GK5: variants seen among roughly 807,000 people sequenced by gnomAD.
GK5 encodes glycerol kinase 5.
A neutral mutation model predicts 77.3 loss-of-function variants in GK5; 39 were observed. The ratio of observed to expected loss-of-function variants is 0.50; its 90% CI spans 0.39 to 0.66. The LOEUF is 0.66. Ranked by LOEUF, GK5 falls within the 30% of genes least tolerant of loss-of-function variation. GK5 has a pLI of 0.00. For synonymous variants in GK5, 211 were observed against 208.0 expected (o/e 1.01, Z -0.13); for missense variants, 487 against 633.8 (o/e 0.77, Z 2.49).
rs1204422168 is a variant in GK5 at position 142,186,453 on chromosome 3, T to A, written c.680A>T (p.Lys227Met). 1.9e-6 allele frequency: 3 copies of A among 1,539,158 alleles called. No individual in the cohort carries two copies. Among genetic ancestry groups the A allele is most frequent in the Non-Finnish European group, 2.6e-6 (3 of 1,136,376 alleles). Residue 227 changes from lysine to methionine, a missense_variant and splice_region_variant, in exon 7 of 16, where the codon AAG (lysine) becomes ATG (methionine). By Grantham distance (95) the Lys-to-Met change is moderately conservative. Transcript: ENST00000392993. ...ASTTGLFDPY[K>M]MCWSGMITSL... ...AAAAGAAGAAAAAAAAATTTTTACC[T>A]TATATGGGTCAAAAAGTCCAGTTGT...
intron 3 of GK5, among the ~76,000 whole-genome samples, chr3:142,210,872 C>T (rs1346854757): frequency 6.6e-6 from 1 of 152,236 alleles, no homozygotes; most frequent in Non-Finnish European, 1.5e-5. Context: ...ATCACTGGGG[C>T]CAATGGCCAA....
intron 11 of GK5, among the ~76,000 whole-genome samples, chr3:142,178,203 A>G (rs557724436): frequency 6.6e-6 from 1 of 152,248 alleles, no homozygotes; most frequent in African/African-American, 2.4e-5. Context: ...AATCAATTCT[A>G]TGTAGGATTT....
At chr3:142,189,421 C>A (rs752227131) in intron 5 of GK5, among the ~76,000 whole-genome samples, 2 of 152,062 alleles carry the variant, frequency 1.3e-5, no homozygotes, top group Non-Finnish European at 2.9e-5. Context: ...AAATATGGAG[C>A]GCCTTCAAGT....
chr3:142,216,119 CTTAA>C (rs1381637750), intron 1 of GK5, among the ~76,000 whole-genome samples: 2 of 152,164 alleles, frequency 1.3e-5, no homozygotes, highest in Non-Finnish European at 2.9e-5. Context: ...ATTGTGGACT[CTTAA>C]AAAGTATATG....
At chr3:142,187,828 A>T (rs1297779596) in intron 5 of GK5, 49 bp from the exon 6 acceptor site, 1 of 1,353,732 alleles carries the variant, frequency 7.4e-7, no homozygotes, top group South Asian at 1.2e-5. Flanking sequence ...TAAATTACTA[A>T]GTGCATGATT....
chr3:142,208,734 G>A (rs2064146878), intron 3 of GK5, among the ~76,000 whole-genome samples: 2 of 152,158 alleles, frequency 1.3e-5, no homozygotes, highest in Admixed American at 1.3e-4. Flanking sequence ...CAGGAGTTGG[G>A]TACACAGCTA....
In GK5 at chr3:142,164,600, T is replaced by C. The variant is rs944022131; in HGVS notation, c.*1022A>G. On this transcript the variant is annotated 3_prime_UTR_variant, in exon 16 of 16. Coordinates refer to ENST00000392993, the MANE Select transcript of GK5 (RefSeq NM_001039547.3). ...ACACTCTCCTCCCTTCTATCAGCTGTCCCCCACACATACTCACAGGGATGA... is the reference window on the plus strand; with the variant it reads ...ACACTCTCCTCCCTTCTATCAGCTGCCCCCCACACATACTCACAGGGATGA... 4 of 151,932 alleles carry C rather than the reference T, an allele frequency of 2.6e-5. No homozygotes were observed. The highest frequency in any genetic ancestry group is 7.3e-5 in the African/African-American group (3 of 41,346). The allele number at this position is 151,932 out of a possible 1,614,324, so 9.4% of individuals were successfully genotyped here.
chr3:142,171,432 C>T lies in GK5; in HGVS notation c.1294G>A (p.Val432Ile), dbSNP rs1386146088. The stretch of plus-strand genomic sequence containing the variant: ...AACTTTACATACCGGATTTTTCTTA[C>T]AGGAATATGAATCTCTTTCTTCATC... The part of the protein sequence containing the change: ...EMMKKEIHIP[V>I]RKIRADGGVC... The change falls in exon 14 of 16, where the codon GTA becomes ATA. Residue 432 changes from valine (V) to isoleucine (I), a missense_variant. This residue lies in a region of GK5 where 323 missense variants were observed against 437.4 expected (regional missense o/e 0.74). Coordinates refer to ENST00000392993, the MANE Select transcript of GK5 (RefSeq NM_001039547.3). The T allele has an allele frequency of 1.5e-5, 22 of 1,475,806 alleles. No homozygotes were observed. The highest frequency in any genetic ancestry group is 2.2e-5 in the Admixed American group (1 of 45,270). The allele number at this position is 1,475,806 out of a possible 1,614,324, so 91.4% of individuals were successfully genotyped here.
intron 4 of GK5, chr3:142,204,383 A>G (rs1213212513): frequency 2.7e-6 from 1 of 371,830 alleles, no homozygotes; most frequent in African/African-American, 2.1e-5. Flanking sequence ...GAGCTTTTAT[A>G]AAAGATGAAA....
intron 3 of GK5, among the ~76,000 whole-genome samples, chr3:142,212,485 G>A (rs1428932527): frequency 6.6e-6 from 1 of 152,086 alleles, no homozygotes; most frequent in Non-Finnish European, 1.5e-5. Flanking sequence ...GCAGTGAGCT[G>A]TAATCATGCC....
chr3:142,177,586 C>G lies in GK5; in HGVS notation c.1049-10G>C. ...GCATCTGTGAAAAGGTCTGCAAAAA[C>G]AAACAAACAACAAAAAACCCTAAAA... On this transcript the variant is annotated splice_polypyrimidine_tract_variant and intron_variant, in intron 11 of 15. Transcript: ENST00000392993. 1 of 1,561,678 alleles carries G rather than the reference C, an allele frequency of 6.4e-7. No homozygotes were observed. Among genetic ancestry groups the G allele is most frequent in the East Asian group, 2.2e-5 (1 of 44,544 alleles).
At chr3:142,204,007 T>C (rs2064066667) in intron 4 of GK5, among the ~76,000 whole-genome samples, 1 of 152,136 alleles carries the variant, frequency 6.6e-6, no homozygotes, top group African/African-American at 2.4e-5. Flanking sequence ...GCCTACTATG[T>C]ATCAGGCATA....
chr3:142,159,849 CTCTCT>C lies in GK5; in HGVS notation c.*5768_*5772del, dbSNP rs775430835. On this transcript the variant is annotated 3_prime_UTR_variant, in exon 16 of 16. Coordinates refer to ENST00000392993, the MANE Select transcript of GK5 (RefSeq NM_001039547.3). ...GGGCTTTCTCTCTCTCTCTCTCTCT[CTCTCT>C]TTTTTTTTTTTGAGACAGAGTCTCG... The C allele has an allele frequency of 1.6e-4, 17 of 104,806 alleles. No individual in the cohort carries two copies. The highest frequency in any genetic ancestry group is 1.7e-4 in the Admixed American group (2 of 11,684). The allele number at this position is 104,806 out of a possible 1,614,324, so 6.5% of individuals were successfully genotyped here.
At chr3:142,167,959 C>G (rs539443974) in intron 15 of GK5, among the ~76,000 whole-genome samples, 1 of 152,284 alleles carries the variant, frequency 6.6e-6, no homozygotes, top group South Asian at 2.1e-4. Flanking sequence ...TTTCAGTGAG[C>G]TGAGATTGCG....
intron 1 of GK5, 25 bp downstream of exon 1, chr3:142,225,284 C>T (rs967227053): frequency 6.6e-7 from 1 of 1,518,344 alleles, no homozygotes; most frequent in African/African-American, 1.4e-5. Context: ...GTCAGACCCG[C>T]GCCCCACGCC....
chr3:142,186,238 T>C lies in GK5; in HGVS notation c.711A>G (p.Leu237=), dbSNP rs900278675. The C allele has an allele frequency of 7.5e-6, 12 of 1,606,944 alleles. No homozygotes were observed. The highest frequency in any genetic ancestry group is 7.7e-6 in the Non-Finnish European group (9 of 1,173,772). ...GTAGGAGAGAAAGTGGTATCGAAAT[T>C]AGAGAGGTAATCATCCCACTCCAAC... is the stretch of plus-strand genomic sequence containing the variant. ...KMCWSGMITS[L]ISIPLSLLPP... Residue 237 remains leucine, a synonymous_variant, in exon 8 of 16, where the codon CTA becomes CTG. Transcript: ENST00000392993.
chr3:142,168,716 T>A (rs925160664), intron 15 of GK5, among the ~76,000 whole-genome samples: 1 of 150,830 alleles, frequency 6.6e-6, no homozygotes, highest in African/African-American at 2.4e-5. Flanking sequence ...CAGATCTTTC[T>A]ATGGTCCCCA....
intron 6 of GK5, 113 bp downstream of exon 6, chr3:142,187,591 C>T (rs953081450): frequency 2.5e-5 from 18 of 721,538 alleles, no homozygotes; most frequent in East Asian, 2.8e-5. Flanking sequence ...GTTGACAGAG[C>T]GAGACCCTAG....
At chr3:142,218,867 C>T (rs1011372706) in intron 1 of GK5, among the ~76,000 whole-genome samples, 2 of 151,948 alleles carry the variant, frequency 1.3e-5, no homozygotes, top group African/African-American at 4.8e-5. Context: ...GACTAATATC[C>T]AGAATATATA....
Sources: gnomAD v4.1 joint callset for allele counts (sites outside exome capture counted in the v4.1 genomes callset) on GRCh38, gnomAD v4.1.1 for gene constraint, gnomAD v4.1.1 regional missense constraint, MANE v1.5 for transcripts, NCBI Gene and HGNC (gene_info 2026-07-23, HGNC 2026-07-21) for gene names.